The following SNX2 variants were observed in gnomAD, a reference collection of about 807,000 sequenced individuals.
The protein encoded by SNX2 is sorting nexin 2, also known as sorting nexin-2.
A neutral mutation model predicts 69.9 loss-of-function variants in SNX2; 25 were observed. The ratio of observed to expected loss-of-function variants is 0.36; its 90% CI spans 0.26 to 0.50. The LOEUF (loss-of-function observed/expected upper bound fraction) is 0.50, where lower values mean the gene tolerates loss of function less well. Among genes scored for constraint, SNX2 ranks in the 20% least tolerant of loss-of-function variants. The pLI is 0.97. For missense variants in SNX2, 551 were observed against 613.3 expected (o/e 0.90, Z 1.07); for synonymous variants, 229 against 200.4 (o/e 1.14, Z -1.20).
intron 12 of SNX2, 33 bp from the exon 13 acceptor site, chr5:122,827,343 TGAG>T: frequency 6.4e-7 from 1 of 1,562,518 alleles, no homozygotes; most frequent in Admixed American, 1.7e-5. Flanking sequence ...TACTTTTTTT[TGAG>T]ATAAGCATAA....
Position 122,818,808 on chromosome 5 carries a change from TAAA to T in SNX2, c.1007-9_1007-7del. On this transcript the variant is annotated splice_region_variant and splice_polypyrimidine_tract_variant and intron_variant, in intron 10 of 14. Coordinates refer to ENST00000379516, the MANE Select transcript of SNX2 (RefSeq NM_003100.4). The stretch of plus-strand genomic sequence containing the variant: ...AACACTAAAATTGCATACTTTTTTT[TAAA>T]TTTCAGAACTTTCAGCCAACACAGC... The T allele has an allele frequency of 6.2e-7, 1 of 1,604,920 alleles. No individual in the cohort carries two copies. The highest frequency in any genetic ancestry group is 8.5e-7 in the Non-Finnish European group (1 of 1,177,066).
chr5:122,805,450 GT>G (rs1351102154), intron 6 of SNX2, among the ~76,000 whole-genome samples: 1 of 151,828 alleles, frequency 6.6e-6, no homozygotes, highest in Non-Finnish European at 1.5e-5. Flanking sequence ...TTAAATTATT[GT>G]TTTTACTTTT....
rs1055968933 is a variant in SNX2 at position 122,782,597 on chromosome 5, C to T, written c.108+7386C>T. On this transcript the variant is annotated intron_variant, in intron 1 of 14. Coordinates refer to ENST00000379516, the MANE Select transcript of SNX2 (RefSeq NM_003100.4). The stretch of plus-strand genomic sequence containing the variant: ...GCTGCCCAGGCTAGAGAGCAGTTGG[C>T]ACAATCTCTGCTCACTGCAACCTCC... 7.5e-5 allele frequency among the ~76,000 whole-genome samples: 11 copies of T among 147,432 alleles called. No homozygotes were observed. The South Asian group carries it at 1.3e-3, about 18-fold the overall frequency.
At chr5:122,788,468 G>A (rs1281701868) in intron 1 of SNX2, among the ~76,000 whole-genome samples, 2 of 152,098 alleles carry the variant, frequency 1.3e-5, no homozygotes, top group Non-Finnish European at 1.5e-5. Flanking sequence ...AAATACTTCT[G>A]CAGCAATCTT....
intron 7 of SNX2, among the ~76,000 whole-genome samples, chr5:122,813,734 T>G (rs1753832409): frequency 6.6e-6 from 1 of 151,980 alleles, no homozygotes; most frequent in Non-Finnish European, 1.5e-5. Context: ...ATACAAGGTA[T>G]TTCCACTTAG....
chr5:122,789,474 G>GACACACAC (rs60199625), intron 1 of SNX2, among the ~76,000 whole-genome samples: 2,648 of 144,696 alleles, frequency 0.018, 34 homozygotes, highest in East Asian at 0.027. Flanking sequence ...GACACACACG[G>GACACACAC]ACACACACAC....
intron 3 of SNX2, among the ~76,000 whole-genome samples, chr5:122,801,009 G>T (rs1035655684): frequency 1.3e-5 from 2 of 152,118 alleles, no homozygotes; most frequent in African/African-American, 4.8e-5. Flanking sequence ...GAGGTTTATA[G>T]TGCTTTCCTT....
At chr5:122,781,331 T>C (rs552353614) in intron 1 of SNX2, among the ~76,000 whole-genome samples, 1 of 152,366 alleles carries the variant, frequency 6.6e-6, no homozygotes, top group South Asian at 2.1e-4. Context: ...ATTAAGTTTG[T>C]TCTATGTATC....
chr5:122,832,218 T>C lies in SNX2; in HGVS notation c.*2570T>C, dbSNP rs945314670. 4 of 152,216 alleles carry C rather than the reference T, an allele frequency of 2.6e-5. 1 individual carries two copies. Among genetic ancestry groups the C allele is most frequent in the Admixed American group, 2.6e-4 (4 of 15,288 alleles). The allele number at this position is 152,216 out of a possible 1,614,324, so 9.4% of individuals were successfully genotyped here. On this transcript the variant is annotated 3_prime_UTR_variant, in exon 15 of 15. Coordinates refer to ENST00000379516, the MANE Select transcript of SNX2 (RefSeq NM_003100.4). ...ATCAGCATACATTTGTTCAGTCTTG[T>C]TTCATTTAGTATGACTTTGGGCATA...
At chr5:122,793,079 C>T (rs566792603) in intron 1 of SNX2, among the ~76,000 whole-genome samples, 2 of 152,270 alleles carry the variant, frequency 1.3e-5, no homozygotes, top group Non-Finnish European at 2.9e-5. Context: ...ACTTCTAAAG[C>T]TGAACATTCA....
chr5:122,817,111 T>C, intron 9 of SNX2, 83 bp downstream of exon 9: 1 of 1,185,350 alleles, frequency 8.4e-7, no homozygotes, highest in Non-Finnish European at 1.2e-6. Flanking sequence ...AAGTGGAAAA[T>C]AGGATATTAA....
rs1754300554 is a variant in SNX2 at position 122,831,966 on chromosome 5, T to C, written c.*2318T>C. On this transcript the variant is annotated 3_prime_UTR_variant, in exon 15 of 15. Transcript: ENST00000379516. ...TATATGAGCCTCTGATACCTACCAG[T>C]ATTTAAACAGGATTTAATTATTTCA... 6.6e-6 allele frequency among the ~76,000 whole-genome samples: 1 copy of C among 152,216 alleles called. No homozygotes were observed. Among genetic ancestry groups the C allele is most frequent in the Admixed American group, 6.5e-5 (1 of 15,276 alleles).
chr5:122,816,140 T>A (rs945985562), intron 8 of SNX2, among the ~76,000 whole-genome samples, 169 bp downstream of exon 8: 6 of 152,202 alleles, frequency 3.9e-5, no homozygotes, highest in African/African-American at 1.4e-4. Flanking sequence ...TAGCAAAATA[T>A]CTTTGCTTTG....
chr5:122,775,935 CCTCTT>C (rs539177694), intron 1 of SNX2, among the ~76,000 whole-genome samples: 139 of 152,142 alleles, frequency 9.1e-4, no homozygotes, highest in African/African-American at 3.0e-3. Flanking sequence ...ACTCCTTTTT[CCTCTT>C]TTCTCGCTTG....
At chr5:122,826,536 A>T (rs1017049937) in intron 12 of SNX2, 1 of 335,212 alleles carries the variant, frequency 3.0e-6, no homozygotes, top group African/African-American at 2.2e-5. Context: ...TTAGCTGTCC[A>T]GGCAACATTA....
At chr5:122,829,538 T>G in intron 14 of SNX2, 60 bp from the exon 15 acceptor site, 1 of 1,326,018 alleles carries the variant, frequency 7.5e-7, no homozygotes, top group Non-Finnish European at 1.1e-6. Flanking sequence ...GTACAGGATA[T>G]ATGCATATAA....
intron 1 of SNX2, among the ~76,000 whole-genome samples, chr5:122,791,294 T>A (rs1024837624): frequency 6.6e-6 from 1 of 152,076 alleles, no homozygotes; most frequent in African/African-American, 2.4e-5. Context: ...CGGCTACTTT[T>A]TTTTTGAGAT....
chr5:122,818,839 C>G lies in SNX2; in HGVS notation c.1028C>G (p.Ala343Gly). The change falls in exon 11 of 15, where the codon GCC (alanine) becomes GGC (glycine). Residue 343 changes from alanine to glycine, a missense_variant. By Grantham distance (60) the Ala-to-Gly change is moderately conservative (BLOSUM62 0). Around this residue, in one of 2 missense-constraint regions of SNX2, gnomAD observed 360 missense variants for 450.4 expected, o/e 0.80. Transcript: ENST00000379516. ...HRKELSANTA[A>G]FAKSAAMLGN... The stretch of plus-strand genomic sequence containing the variant: ...TCAGAACTTTCAGCCAACACAGCTG[C>G]CTTTGCTAAAAGTGCTGCCATGTTA... 6.2e-7 allele frequency: 1 copy of G among 1,613,398 alleles called. No individual in the cohort carries two copies. Among genetic ancestry groups the G allele is most frequent in the Non-Finnish European group, 8.5e-7 (1 of 1,179,682 alleles).
rs1279638652 is a variant in SNX2 at position 122,832,716 on chromosome 5, A to AAAGTT, written c.*3070_*3074dup. The AAAGTT allele has an allele frequency of 1.3e-5, 2 of 152,338 alleles. No individual in the cohort carries two copies. The highest frequency in any genetic ancestry group is 4.8e-5 in the African/African-American group (2 of 41,584). 9.4% of individuals were successfully genotyped at this position (152,338 alleles called of 1,614,324 possible). A position where few individuals can be genotyped will look rare whatever the true frequency, so the allele number is the denominator to read the frequency against. ...GAGGAAGTCAGATGAGTAGAGAAGG[A>AAAGTT]AAGTTATATTCCTTTACAAATGCTC... On this transcript the variant is annotated 3_prime_UTR_variant, in exon 15 of 15. Transcript: ENST00000379516.
Sources: allele counts gnomAD v4.1 joint callset (sites outside exome capture counted in the v4.1 genomes callset), GRCh38; gene constraint gnomAD v4.1.1; regional missense constraint gnomAD v4.1.1; transcripts MANE v1.5; gene names NCBI Gene and HGNC (gene_info 2026-07-23, HGNC 2026-07-21).